The following OR56A3 variants were observed in gnomAD, a reference collection of about 807,000 sequenced individuals.
OR56A3 encodes the protein olfactory receptor 56A3.
A neutral mutation model predicts 17.5 loss-of-function variants in OR56A3; 23 were observed. That is an observed-to-expected ratio of 1.32 (90% CI 0.95 to 1.87). OR56A3 has a LOEUF of 1.87. Ranked by LOEUF, OR56A3 falls within the 40% of genes most tolerant of loss-of-function variation. The probability of loss-of-function intolerance (pLI) is 0.00; values close to 1 mark genes in which losing one functional copy is unlikely to be tolerated. For missense variants in OR56A3, 366 were observed against 380.1 expected (o/e 0.96, Z 0.31); for synonymous variants, 175 against 150.6 (o/e 1.16, Z -1.19).
the OR56A3 span, among the ~76,000 whole-genome samples, chr11:5,966,031 A>G: frequency 6.6e-6 from 1 of 152,086 alleles, no homozygotes; most frequent in South Asian, 2.1e-4. Context: ...GAAGGAGGGA[A>G]GATAGAAATC....
At chr11:5,962,296 A>G in the OR56A3 span, among the ~76,000 whole-genome samples, 1 of 152,138 alleles carries the variant, frequency 6.6e-6, no homozygotes, top group Non-Finnish European at 1.5e-5. Context: ...TCAGTTTGCT[A>G]ATGTTTTTAA....
At chr11:6,007,864 A>T in the OR56A3 span, among the ~76,000 whole-genome samples, 3 of 152,162 alleles carry the variant, frequency 2.0e-5, no homozygotes, top group Admixed American at 1.3e-4. Flanking sequence ...ATGCAGTGGG[A>T]GTATCAGTGG....
chr11:5,986,952 T>A, the OR56A3 span: 1 of 1,605,380 alleles, frequency 6.2e-7, no homozygotes, highest in Middle Eastern at 1.7e-4. Flanking sequence ...TCCTGCTACA[T>A]TATCACATTG....
chr11:5,989,544 C>T, the OR56A3 span, among the ~76,000 whole-genome samples: 15 of 152,094 alleles, frequency 9.9e-5, no homozygotes, highest in South Asian at 2.1e-4. Flanking sequence ...TTGCTTGGCT[C>T]GTAAGCCTAG....
chr11:5,995,313 T>C, the OR56A3 span, among the ~76,000 whole-genome samples: 5,569 of 152,358 alleles, frequency 0.037, 310 homozygotes, highest in African/African-American at 0.12. Flanking sequence ...TTTACACTTA[T>C]AGCGTGTTGC....
chr11:6,002,293 C>CGG, the OR56A3 span: 1 of 1,614,166 alleles, frequency 6.2e-7, no homozygotes, highest in Non-Finnish European at 8.5e-7. Flanking sequence ...ACAGCACCCT[C>CGG]GGCCTTGATC....
chr11:6,007,755 C>A, the OR56A3 span, among the ~76,000 whole-genome samples: 1 of 152,130 alleles, frequency 6.6e-6, no homozygotes, highest in Non-Finnish European at 1.5e-5. Flanking sequence ...CACTGTAACT[C>A]TAGAGGGAAG....
downstream of OR56A3, among the ~76,000 whole-genome samples, chr11:5,955,695 A>G (rs1039818417): frequency 2.6e-5 from 4 of 152,184 alleles, no homozygotes; most frequent in African/African-American, 4.8e-5. Flanking sequence ...ACCAGTGGCC[A>G]GGCAGCTCTA....
chr11:5,948,926 C>T lies in OR56A3; in HGVS notation c.*632C>T, dbSNP rs777344715. On this transcript the variant is annotated 3_prime_UTR_variant, in exon 3 of 3. Transcript: ENST00000641160. ...GGGCAAGGGTTTTGCCTTGATTCCT[C>T]ATGAGTAACAATTATCAATGAGTTT... The T allele has an allele frequency of 5.2e-5, 8 of 152,482 alleles. No homozygotes were observed. The highest frequency in any genetic ancestry group is 8.8e-5 in the Non-Finnish European group (6 of 68,272). 9.4% of individuals were successfully genotyped at this position (152,482 alleles called of 1,614,324 possible).
At chr11:6,012,589 C>T in the OR56A3 span, among the ~76,000 whole-genome samples, 2 of 152,150 alleles carry the variant, frequency 1.3e-5, no homozygotes, top group South Asian at 2.1e-4. Flanking sequence ...CATTATCTCT[C>T]GATCCTCTTC....
chr11:5,986,091 G>T, the OR56A3 span: 1 of 1,613,998 alleles, frequency 6.2e-7, no homozygotes, highest in South Asian at 1.1e-5. Context: ...GACCAAAGCG[G>T]TGAGTGAGGA....
the OR56A3 span, among the ~76,000 whole-genome samples, chr11:5,989,297 C>T: frequency 6.6e-6 from 1 of 152,170 alleles, no homozygotes; most frequent in African/African-American, 2.4e-5. Context: ...AGTCAGAGAA[C>T]AGCTGTGCAT....
downstream of OR56A3, among the ~76,000 whole-genome samples, chr11:5,952,690 A>T (rs984635746): frequency 6.6e-6 from 1 of 152,162 alleles, no homozygotes; most frequent in Non-Finnish European, 1.5e-5. Context: ...ATGTTGTGCC[A>T]GGTTTGTCAC....
the OR56A3 span, among the ~76,000 whole-genome samples, chr11:5,959,326 C>A: frequency 7.9e-5 from 12 of 151,934 alleles, no homozygotes; most frequent in Admixed American, 7.9e-4. Context: ...GTTTTGTTTT[C>A]CTTTTTGTTT....
At chr11:5,993,646 T>C in the OR56A3 span, among the ~76,000 whole-genome samples, 2 of 152,194 alleles carry the variant, frequency 1.3e-5, no homozygotes, top group Non-Finnish European at 2.9e-5. Context: ...ATAGCAGCCC[T>C]ATAATGACTA....
the OR56A3 span, chr11:6,001,786 G>A: frequency 8.0e-6 from 3 of 373,268 alleles, no homozygotes; most frequent in Non-Finnish European, 9.5e-6. Flanking sequence ...TCAAAGTCTT[G>A]GCAAGATTCT....
the OR56A3 span, chr11:5,995,041 C>T: frequency 3.1e-6 from 2 of 635,044 alleles, no homozygotes; most frequent in East Asian, 2.8e-5. Context: ...ACCTGAGGCC[C>T]CGGCGCCTGC....
At chr11:5,942,674 T>C (rs1257223095) in intron 1 of OR56A3, among the ~76,000 whole-genome samples, 1 of 152,200 alleles carries the variant, frequency 6.6e-6, no homozygotes, top group Admixed American at 6.5e-5. Flanking sequence ...TCAGGACCAG[T>C]GGAAGTCAGG....
chr11:5,953,157 G>C (rs2134367169), downstream of OR56A3, among the ~76,000 whole-genome samples: 1 of 152,286 alleles, frequency 6.6e-6, no homozygotes, highest in East Asian at 1.9e-4. Flanking sequence ...TTTTCTTTGG[G>C]ATAAATACCC....
Sources: gnomAD v4.1 joint callset for allele counts (sites outside exome capture counted in the v4.1 genomes callset) on GRCh38, gnomAD v4.1.1 for gene constraint, MANE v1.5 for transcripts, NCBI Gene and HGNC (gene_info 2026-07-23, HGNC 2026-07-21) for gene names.